Variants in OXR1 observed in about 807,000 individuals in gnomAD.
OXR1 encodes the protein oxidation resistance 1.
OXR1 carries 41 observed loss-of-function variants against 104.6 expected under a neutral mutation model. That is an observed-to-expected ratio of 0.39 (90% CI 0.31 to 0.51). The LOEUF (loss-of-function observed/expected upper bound fraction) is 0.51. Ranked by LOEUF, OXR1 falls within the 20% of genes least tolerant of loss-of-function variation. OXR1 has a pLI of 0.77. For missense variants in OXR1, 955 were observed against 1,031.9 expected (o/e 0.93, Z 1.02); for synonymous variants, 348 against 348.4 (o/e 1.00, Z 0.01).
rs1481148000 is a variant in OXR1, at chr8:106,316,691, TTCTATCTATCTATCTATCTATCTATCA to T, written c.-138-42758_-138-42732del. Among the ~76,000 whole-genome samples, 13 of 132,386 alleles carry T rather than the reference TTCTATCTATCTATCTATCTATCTATCA, an allele frequency of 9.8e-5. No homozygotes were observed. The South Asian group carries it at 1.7e-3, about 18-fold the overall frequency. The allele number at this position is 132,386 out of a possible 152,430, so 86.9% of individuals were successfully genotyped here. The stretch of plus-strand genomic sequence containing the variant: ...AATGTATTTGTTTTTCTCTCTTTTT[TTCTATCTATCTATCTATCTATCTATCA>T]TCTATCTATCTATCTATCTATCTAT... On this transcript the variant is annotated intron_variant, in intron 1 of 16. Coordinates refer to ENST00000517566, the MANE Select transcript of OXR1 (RefSeq NM_001198533.2).
intron 2 of OXR1, chr8:106,448,034 C>T (rs780974297): frequency 6.5e-7 from 1 of 1,535,850 alleles, no homozygotes; most frequent in South Asian, 1.2e-5. Context: ...TGACGAAGGA[C>T]AAAAACAGCC....
chr8:106,411,514 T>G (rs1563508657), intron 2 of OXR1, among the ~76,000 whole-genome samples: 1 of 152,182 alleles, frequency 6.6e-6, no homozygotes, highest in South Asian at 2.1e-4. Context: ...AAAGATGCCT[T>G]TTCTCTCATG....
intron 1 of OXR1, among the ~76,000 whole-genome samples, chr8:106,319,863 G>C (rs1814140383): frequency 6.6e-6 from 1 of 152,212 alleles, no homozygotes; most frequent in Admixed American, 6.5e-5. Context: ...AATAGTTGCA[G>C]GTCAGCAGTA....
intron 2 of OXR1, among the ~76,000 whole-genome samples, chr8:106,433,297 G>A (rs1819438178): frequency 6.6e-6 from 1 of 152,102 alleles, no homozygotes. Context: ...AATCTGAGTG[G>A]TGTCAGCTGA....
chr8:106,740,973 G>A (rs1232195827), intron 14 of OXR1, among the ~76,000 whole-genome samples: 1 of 151,902 alleles, frequency 6.6e-6, no homozygotes, highest in Non-Finnish European at 1.5e-5. Context: ...CTAATGAGAA[G>A]GTAAAATAGC....
intron 2 of OXR1, among the ~76,000 whole-genome samples, chr8:106,512,658 G>A (rs1464885888): frequency 6.6e-6 from 1 of 152,070 alleles, no homozygotes; most frequent in Non-Finnish European, 1.5e-5. Context: ...ATTTAGACCA[G>A]ATTACAAAAC....
At chr8:106,306,576 A>G (rs950241) in intron 1 of OXR1, among the ~76,000 whole-genome samples, 33,441 of 152,104 alleles carry the variant, frequency 0.22, 5,454 homozygotes, top group African/African-American at 0.46. Flanking sequence ...ATAAAATGGA[A>G]TACTACTTAG....
chr8:106,463,544 C>T (rs1393599306), intron 2 of OXR1, among the ~76,000 whole-genome samples: 1 of 151,996 alleles, frequency 6.6e-6, no homozygotes, highest in Non-Finnish European at 1.5e-5. Flanking sequence ...TTTTTCACCC[C>T]AAGACCTAAT....
At chr8:106,583,010 A>G (rs1036452059) in intron 3 of OXR1, among the ~76,000 whole-genome samples, 2 of 152,196 alleles carry the variant, frequency 1.3e-5, no homozygotes, top group African/African-American at 4.8e-5. Flanking sequence ...TGGTTATGCT[A>G]TTTTAAACTT....
intron 3 of OXR1, among the ~76,000 whole-genome samples, chr8:106,671,719 C>T (rs932946208): frequency 6.7e-6 from 1 of 148,292 alleles, no homozygotes. Flanking sequence ...ATCACAAGGA[C>T]AGAAAACCAA....
intron 1 of OXR1, among the ~76,000 whole-genome samples, chr8:106,354,834 T>G (rs1319597125): frequency 6.6e-6 from 1 of 152,144 alleles, no homozygotes; most frequent in African/African-American, 2.4e-5. Flanking sequence ...ACAGAAGATT[T>G]GTGAAATGGC....
chr8:106,429,145 A>G (rs1027264293), intron 2 of OXR1, among the ~76,000 whole-genome samples: 2 of 151,848 alleles, frequency 1.3e-5, no homozygotes, highest in Admixed American at 6.6e-5. Flanking sequence ...TCCCCTCTCT[A>G]TGTGATCTTT....
chr8:106,722,534 T>A (rs897208512), intron 11 of OXR1, among the ~76,000 whole-genome samples: 52 of 152,180 alleles, frequency 3.4e-4, no homozygotes, highest in African/African-American at 1.2e-3. Flanking sequence ...AATGGAGCTG[T>A]CTCTTAGTGA....
intron 11 of OXR1, among the ~76,000 whole-genome samples, chr8:106,725,394 T>C (rs994919992): frequency 2.6e-5 from 4 of 152,214 alleles, no homozygotes; most frequent in African/African-American, 9.6e-5. Context: ...TTTTCAAATG[T>C]ATCATCATGA....
At chr8:106,617,654 T>C (rs1053175786) in intron 3 of OXR1, among the ~76,000 whole-genome samples, 3 of 152,152 alleles carry the variant, frequency 2.0e-5, no homozygotes, top group African/African-American at 7.2e-5. Context: ...GTTCTGACAA[T>C]GGCTAGCAGT....
chr8:106,298,027 T>A (rs952668970), intron 1 of OXR1, among the ~76,000 whole-genome samples: 2 of 152,180 alleles, frequency 1.3e-5, no homozygotes, highest in African/African-American at 4.8e-5. Context: ...CAAAGGAATA[T>A]TGCAATAAAA....
intron 3 of OXR1, among the ~76,000 whole-genome samples, chr8:106,676,122 A>T (rs184420255): frequency 1.4e-4 from 21 of 152,274 alleles, no homozygotes; most frequent in Admixed American, 1.4e-3. Flanking sequence ...GTCAGAAACT[A>T]GAATTGCAAC....
rs1305747370 is a variant in OXR1, at chr8:106,742,922, TG to T, written c.2412+606del. The stretch of plus-strand genomic sequence containing the variant: ...TCATGACAACAATGCCAAAAGCAGT[TG>T]CAACAGAAGCAAAAATTGGCAAATG... On this transcript the variant is annotated intron_variant, in intron 15 of 16. Coordinates refer to ENST00000517566, the MANE Select transcript of OXR1 (RefSeq NM_001198533.2). Among the ~76,000 whole-genome samples the T allele has an allele frequency of 3.9e-5, 6 of 152,218 alleles. No homozygotes were observed. In the East Asian group the frequency reaches 1.2e-3, roughly 29 times the overall value.
chr8:106,578,666 G>C (rs1229664408), intron 3 of OXR1, among the ~76,000 whole-genome samples: 2 of 152,156 alleles, frequency 1.3e-5, no homozygotes, highest in African/African-American at 4.8e-5. Flanking sequence ...AGGAGGACAA[G>C]AAGAAAAACA....
Sources: allele counts gnomAD v4.1 joint callset (sites outside exome capture counted in the v4.1 genomes callset), GRCh38; gene constraint gnomAD v4.1.1; transcripts MANE v1.5; gene names NCBI Gene and HGNC (gene_info 2026-07-23, HGNC 2026-07-21).